The following LRRC4C variants were observed in gnomAD, a reference collection of about 807,000 sequenced individuals.
LRRC4C encodes the protein leucine-rich repeat-containing protein 4C.
In LRRC4C, 5 loss-of-function variants were observed where a neutral mutation model predicts 33.6. That is an observed-to-expected ratio of 0.15 (90% CI 0.08 to 0.31). The LOEUF (loss-of-function observed/expected upper bound fraction) is 0.31, where lower values mean the gene tolerates loss of function less well. Among genes scored for constraint, LRRC4C ranks in the 10% least tolerant of loss-of-function variants. LRRC4C has a pLI of 1.00. For missense variants in LRRC4C, 560 were observed against 796.7 expected (o/e 0.70, Z 3.58); for synonymous variants, 329 against 302.0 (o/e 1.09, Z -0.93).
chr11:40,845,551 G>A (rs1953118515), intron 2 of LRRC4C, among the ~76,000 whole-genome samples: 1 of 152,122 alleles, frequency 6.6e-6, no homozygotes, highest in Non-Finnish European at 1.5e-5. Flanking sequence ...TGGTATATAT[G>A]TGCCATATTT....
At chr11:40,128,417 A>G (rs577354491) in intron 6 of LRRC4C, among the ~76,000 whole-genome samples, 1 of 152,310 alleles carries the variant, frequency 6.6e-6, no homozygotes, top group South Asian at 2.1e-4. Flanking sequence ...TCTAGATTAT[A>G]TGTTATCTTC....
At chr11:40,127,510 T>A in intron 6 of LRRC4C, among the ~76,000 whole-genome samples, 1 of 152,126 alleles carries the variant, frequency 6.6e-6, no homozygotes, top group East Asian at 1.9e-4. Flanking sequence ...CAAAAAAGTT[T>A]GAATGTATTT....
At chr11:40,523,595 G>A (rs1201904029) in intron 3 of LRRC4C, among the ~76,000 whole-genome samples, 3 of 68,668 alleles carry the variant, frequency 4.4e-5, no homozygotes, top group African/African-American at 6.3e-5. Flanking sequence ...TATATAATAT[G>A]TAATCTATTA....
rs151084093 is a variant in LRRC4C at position 40,954,998 on chromosome 11, T to C, written c.-495-21275A>G. 2.5e-4 allele frequency among the ~76,000 whole-genome samples: 38 copies of C among 151,902 alleles called. 1 individual carries two copies. In the East Asian group the frequency reaches 7.4e-3, roughly 30 times the overall value. On this transcript the variant is annotated intron_variant, in intron 1 of 6. Transcript: ENST00000528697. ...TATCTTCCCAATTCTCAAAACTGTA[T>C]TGCTTTCCTTGCACAGCCCCCACCT... is the stretch of plus-strand genomic sequence containing the variant.
At chr11:41,185,785 T>C (rs969098080) in intron 1 of LRRC4C, among the ~76,000 whole-genome samples, 5 of 152,088 alleles carry the variant, frequency 3.3e-5, no homozygotes, top group African/African-American at 9.7e-5. Flanking sequence ...AAAATATTTC[T>C]AAACTATAGA....
Position 40,761,400 on chromosome 11 carries a change from G to C in LRRC4C, c.-406-113122C>G, listed in dbSNP as rs535788093. ...TTATGAGCTGTTTCACCTTGAGCAAGCCACTTAATGAGTTTTTCATCTTAT... is the reference window on the plus strand; with the variant it reads ...TTATGAGCTGTTTCACCTTGAGCAACCCACTTAATGAGTTTTTCATCTTAT... On this transcript the variant is annotated intron_variant, in intron 2 of 6. Transcript: ENST00000528697. Among the ~76,000 whole-genome samples the C allele has an allele frequency of 7.9e-4, 120 of 152,244 alleles. 2 individuals are homozygous for C. The highest frequency in any genetic ancestry group is 1.6e-3 in the Non-Finnish European group (107 of 68,014).
At chr11:41,141,165 T>C (rs964406585) in intron 1 of LRRC4C, among the ~76,000 whole-genome samples, 1 of 152,162 alleles carries the variant, frequency 6.6e-6, no homozygotes, top group African/African-American at 2.4e-5. Flanking sequence ...TTGATTGAGA[T>C]GGCACAGTCA....
At chr11:40,927,910 ATGT>A (rs1220535047) in intron 2 of LRRC4C, among the ~76,000 whole-genome samples, 1 of 152,110 alleles carries the variant, frequency 6.6e-6, no homozygotes, top group Non-Finnish European at 1.5e-5. Flanking sequence ...TTTTAAAGAG[ATGT>A]TGTGTCAGCG....
At chr11:40,194,663 T>G (rs914108818) in intron 5 of LRRC4C, among the ~76,000 whole-genome samples, 8 of 152,004 alleles carry the variant, frequency 5.3e-5, no homozygotes, top group Non-Finnish European at 1.0e-4. Flanking sequence ...GAGAAATACC[T>G]AATGTAGATG....
chr11:41,215,014 G>GTATATATATATATA lies in LRRC4C; in HGVS notation c.-496+244403_-496+244416dup, dbSNP rs34328057. ...TTCTCAATTTCTATTTTTTATTCAT[G>GTATATATATATATA]TATATATATATATATATATATATAT... On this transcript the variant is annotated intron_variant, in intron 1 of 6. Transcript: ENST00000528697. 6.6e-3 allele frequency among the ~76,000 whole-genome samples: 858 copies of GTATATATATATATA among 130,980 alleles called. 16 individuals carry two copies. Among genetic ancestry groups the GTATATATATATATA allele is most frequent in the African/African-American group, 0.024 (813 of 34,492 alleles). 85.9% of individuals were successfully genotyped at this position (130,980 alleles called of 152,430 possible).
intron 5 of LRRC4C, among the ~76,000 whole-genome samples, chr11:40,229,229 C>T (rs1865025266): frequency 2.0e-5 from 3 of 152,102 alleles, no homozygotes; most frequent in Admixed American, 2.0e-4. Context: ...TAAAACCCCA[C>T]ATTTTAAAGT....
At chr11:40,264,823 G>A (rs1010328598) in intron 4 of LRRC4C, among the ~76,000 whole-genome samples, 2 of 152,166 alleles carry the variant, frequency 1.3e-5, no homozygotes, top group African/African-American at 2.4e-5. Context: ...ACATCCAGAT[G>A]CTCCAGTCTG....
chr11:41,308,536 AG>A (rs1950564091), intron 1 of LRRC4C, among the ~76,000 whole-genome samples: 1 of 152,148 alleles, frequency 6.6e-6, no homozygotes, highest in Non-Finnish European at 1.5e-5. Context: ...AACAAAACAA[AG>A]CACATTCTAA....
intron 2 of LRRC4C, among the ~76,000 whole-genome samples, chr11:40,894,588 T>C (rs1955856908): frequency 6.6e-6 from 1 of 152,208 alleles, no homozygotes; most frequent in Admixed American, 6.5e-5. Context: ...AGTCACTTTC[T>C]GCATCCCAGC....
intron 2 of LRRC4C, among the ~76,000 whole-genome samples, chr11:40,713,377 T>C (rs1337791642): frequency 6.6e-6 from 1 of 152,210 alleles, no homozygotes; most frequent in Non-Finnish European, 1.5e-5. Context: ...CTAATACTTC[T>C]ATCTGGGGAT....
intron 2 of LRRC4C, among the ~76,000 whole-genome samples, chr11:40,748,863 A>G (rs1591620056): frequency 6.6e-6 from 1 of 152,274 alleles, no homozygotes; most frequent in Middle Eastern, 3.4e-3. Flanking sequence ...ACATTAAGTA[A>G]AAAACTGTAG....
chr11:40,298,232 G>A (rs902323643), intron 4 of LRRC4C, among the ~76,000 whole-genome samples: 1 of 152,110 alleles, frequency 6.6e-6, no homozygotes, highest in African/African-American at 2.4e-5. Flanking sequence ...TATAACTTTT[G>A]AATCAGTTAG....
chr11:41,284,143 C>A (rs750158108), intron 1 of LRRC4C, among the ~76,000 whole-genome samples: 4 of 152,128 alleles, frequency 2.6e-5, no homozygotes, highest in Non-Finnish European at 4.4e-5. Flanking sequence ...AAAATATTAA[C>A]AATGATTACG....
intron 1 of LRRC4C, among the ~76,000 whole-genome samples, chr11:41,141,978 T>TA (rs932790282): frequency 2.0e-4 from 30 of 147,904 alleles, no homozygotes; most frequent in South Asian, 1.5e-3. Flanking sequence ...ATGATACAGT[T>TA]AAAAAAAAAA....
Sources: allele counts gnomAD v4.1 joint callset (sites outside exome capture counted in the v4.1 genomes callset), GRCh38; gene constraint gnomAD v4.1.1; transcripts MANE v1.5; gene names NCBI Gene and HGNC (gene_info 2026-07-23, HGNC 2026-07-21).